Variants in ENHO observed in about 807,000 individuals in gnomAD.
ENHO encodes energy homeostasis associated, also known as adropin.
In ENHO, 5 loss-of-function variants were observed where a neutral mutation model predicts 4.1. That is an observed-to-expected ratio of 1.23 (90% CI 0.64 to 2.58). The LOEUF is 2.58. ENHO is among the 30% of genes most tolerant of loss of function. The pLI is 0.01. For synonymous variants in ENHO, 45 were observed against 42.9 expected (o/e 1.05, Z -0.19); for missense variants, 86 against 97.7 (o/e 0.88, Z 0.51).
In ENHO at chr9:34,521,944, C is replaced by T. The variant is rs940612304; in HGVS notation, c.-161-88G>A. On this transcript the variant is annotated intron_variant, in intron 1 of 1. Transcript: ENST00000399775. ...GGAGAGAGGTAGGGAAGAGAGCCTC[C>T]CTCCCACATTTCTGGCCTCCCTGGT... 18 of 533,678 alleles carry T rather than the reference C, an allele frequency of 3.4e-5. No individual in the cohort carries two copies. The Admixed American group carries it at 3.4e-4, about 10-fold the overall frequency. 33.1% of individuals were successfully genotyped at this position (533,678 alleles called of 1,614,324 possible). A position where few individuals can be genotyped will look rare whatever the true frequency, so the allele number is the denominator to read the frequency against.
Position 34,521,202 on chromosome 9 carries a change from G to A in ENHO, c.*263C>T. 1.7e-6 allele frequency: 1 copy of A among 595,292 alleles called. No homozygotes were observed. The highest frequency in any genetic ancestry group is 1.8e-5 in the South Asian group (1 of 54,170). 36.9% of individuals were successfully genotyped at this position (595,292 alleles called of 1,614,324 possible). ...TAGGGAAAGAGTGGACCCGGCCCCT[G>A]ACCCTTGGCCCTTGGGATGGAGCAT... is the stretch of plus-strand genomic sequence containing the variant. On this transcript the variant is annotated 3_prime_UTR_variant, in exon 2 of 2. Transcript: ENST00000399775.
At position 34,522,143 on chromosome 9, in the gene ENHO, G is replaced by A. The variant is rs111920901; in HGVS notation, c.-161-287C>T. 2,731 of 157,286 alleles carry A rather than the reference G, an allele frequency of 0.017. 44 individuals carry two copies. Among genetic ancestry groups the A allele is most frequent in the Non-Finnish European group, 0.026 (1,882 of 71,518 alleles). 9.7% of individuals were successfully genotyped at this position (157,286 alleles called of 1,614,324 possible). On this transcript the variant is annotated intron_variant, in intron 1 of 1. Transcript: ENST00000399775. This position sits in a 1 kb window ranked among gnomAD's most constrained non-coding sequence, Gnocchi z 4.2. ...GGCATGCCCTGGTCCTGCCCACCAAGCTTGCAGCCCTCAAAAGCCCTCTGT... is the reference window on the plus strand; with the variant it reads ...GGCATGCCCTGGTCCTGCCCACCAAACTTGCAGCCCTCAAAAGCCCTCTGT...
In ENHO at chr9:34,522,971, GC is replaced by G. The variant is rs906831468; in HGVS notation, c.-357del. The G allele has an allele frequency of 6.0e-5, 9 of 151,158 alleles. No homozygotes were observed. The highest frequency in any genetic ancestry group is 1.3e-4 in the Non-Finnish European group (9 of 67,724). 9.4% of individuals were successfully genotyped at this position (151,158 alleles called of 1,614,324 possible). ...CTCCCGCCGCGGCGCGACCGGGGCGGCCTCTGCCGCGGGCGGTCTGCGGTGA... is the reference window on the plus strand; with the variant it reads ...CTCCCGCCGCGGCGCGACCGGGGCGGCTCTGCCGCGGGCGGTCTGCGGTGA... On this transcript the variant is annotated 5_prime_UTR_variant, in exon 1 of 2. Coordinates refer to ENST00000399775, the MANE Select transcript of ENHO (RefSeq NM_198573.3). The surrounding 1 kb of genome is among the most constrained non-coding windows in gnomAD (Gnocchi z 4.2).
In ENHO at chr9:34,521,773, T is replaced by C. The variant is rs1825285316; in HGVS notation, c.-78A>G. On this transcript the variant is annotated 5_prime_UTR_variant, in exon 2 of 2. In the 5' UTR this introduces an upstream ATG that the reference lacks. Coordinates refer to ENST00000399775, the MANE Select transcript of ENHO (RefSeq NM_198573.3). ...GGCCCATGCCGAGGCAGGACTCTGG[T>C]ATGGCCGGCCTTCAGAGGAGGCTGT... is the stretch of plus-strand genomic sequence containing the variant. 7.6e-7 allele frequency: 1 copy of C among 1,324,354 alleles called. No homozygotes were observed. Among genetic ancestry groups the C allele is most frequent in the African/African-American group, 1.5e-5 (1 of 68,624 alleles). 82.0% of individuals were successfully genotyped at this position (1,324,354 alleles called of 1,614,324 possible).
rs1825284389 is a variant in ENHO, at chr9:34,521,713, G to A, written c.-18C>T. ...GCCCCCATGACAGGCAGCACCCTCA[G>A]ACCAGCACAGACAGTGGAGCTGCCT... On this transcript the variant is annotated 5_prime_UTR_variant, in exon 2 of 2. Coordinates refer to ENST00000399775, the MANE Select transcript of ENHO (RefSeq NM_198573.3). The A allele has an allele frequency of 3.8e-6, 6 of 1,599,268 alleles. No homozygotes were observed. The highest frequency in any genetic ancestry group is 4.3e-6 in the Non-Finnish European group (5 of 1,169,750).
Position 34,521,477 on chromosome 9 carries a change from C to T in ENHO, c.219G>A (p.Leu73=), listed in dbSNP as rs1348610691. 2.5e-6 allele frequency: 4 copies of T among 1,612,404 alleles called. No individual in the cohort carries two copies. The highest frequency in any genetic ancestry group is 2.2e-5 in the East Asian group (1 of 44,878). Reference sequence around the variant, plus strand: ...AGGCCAGGGGCCTTCAGGGCTGCAGCAGGTAGCTGCCTTCATGGCTGGGCT... The same window carrying T: ...AGGCCAGGGGCCTTCAGGGCTGCAGTAGGTAGCTGCCTTCATGGCTGGGCT... ...PQKPSHEGSY[L]LQP Residue 73 remains leucine, a synonymous_variant, in exon 2 of 2, where the codon CTG becomes CTA. Coordinates refer to ENST00000399775, the MANE Select transcript of ENHO (RefSeq NM_198573.3).
In ENHO at chr9:34,521,630, C is replaced by G. The variant is rs763212689; in HGVS notation, c.66G>C (p.Leu22Phe). 2 of 1,613,982 alleles carry G rather than the reference C, an allele frequency of 1.2e-6. No individual in the cohort carries two copies. Among genetic ancestry groups the G allele is most frequent in the South Asian group, 2.2e-5 (2 of 91,088 alleles). ...AIVCNGLVGF[L>F]LLLLWVILCW... ...AGAGGATGACCCAGAGCAGCAGCAG[C>G]AAGAAGCCCACGAGACCGTTGCAGA... Residue 22 changes from leucine to phenylalanine, a missense_variant, in exon 2 of 2, where the codon TTG becomes TTC. Physicochemically the swap from Leu to Phe is conservative, Grantham distance 22. Transcript: ENST00000399775.
At position 34,521,869 on chromosome 9, in the gene ENHO, T is replaced by C. The variant is rs2281997; in HGVS notation, c.-161-13A>G. On this transcript the variant is annotated splice_polypyrimidine_tract_variant and intron_variant, in intron 1 of 1. Transcript: ENST00000399775. ...TGCAGTCCTGAGCCTGTTGGGGGTA[T>C]ACAGTAAAGGAGAGGGTGGTGAGGA... 444,668 of 626,798 alleles carry C rather than the reference T, an allele frequency of 0.71. 159,494 individuals carry two copies. The highest frequency in any genetic ancestry group is 0.86 in the South Asian group (44,162 of 51,238). 38.8% of individuals were successfully genotyped at this position (626,798 alleles called of 1,614,324 possible). A position where few individuals can be genotyped will look rare whatever the true frequency, so the allele number is the denominator to read the frequency against.
chr9:34,521,440 G>C lies in ENHO; in HGVS notation c.*25C>G. 1 of 1,592,892 alleles carries C rather than the reference G, an allele frequency of 6.3e-7. No homozygotes were observed. Among genetic ancestry groups the C allele is most frequent in the Admixed American group, 1.7e-5 (1 of 59,776 alleles). ...TCTAGGTGAGGTGGACTTAGGTCCT[G>C]GGCTCCAGGCTAGGCCAGGGGCCTT... On this transcript the variant is annotated 3_prime_UTR_variant, in exon 2 of 2. Coordinates refer to ENST00000399775, the MANE Select transcript of ENHO (RefSeq NM_198573.3).
rs1825295004 is a variant in ENHO, at chr9:34,522,538, AGT to A, written c.-162+237_-162+238del. On this transcript the variant is annotated intron_variant, in intron 1 of 1. Coordinates refer to ENST00000399775, the MANE Select transcript of ENHO (RefSeq NM_198573.3). The surrounding 1 kb of genome is among the most constrained non-coding windows in gnomAD (Gnocchi z 4.2). ...CTCCTCTATGTCTCATTTCTCTACCAGTGTGTCTCTGTGTATCTCTGCATCAG... is the reference window on the plus strand; with the variant it reads ...CTCCTCTATGTCTCATTTCTCTACCAGTGTCTCTGTGTATCTCTGCATCAG... The A allele has an allele frequency of 6.6e-6, 1 of 151,666 alleles. No homozygotes were observed. Among genetic ancestry groups the A allele is most frequent in the Non-Finnish European group, 1.5e-5 (1 of 68,272 alleles). 9.4% of individuals were successfully genotyped at this position (151,666 alleles called of 1,614,324 possible). A position where few individuals can be genotyped will look rare whatever the true frequency, so the allele number is the denominator to read the frequency against.
chr9:34,521,238 G>T lies in ENHO; in HGVS notation c.*227C>A. On this transcript the variant is annotated 3_prime_UTR_variant, in exon 2 of 2. Transcript: ENST00000399775. ...CTTGGGATGGAGCATAGTCCAGATGGCCCTGGCTCTAGCACCAACTCATAA... is the reference window on the plus strand; with the variant it reads ...CTTGGGATGGAGCATAGTCCAGATGTCCCTGGCTCTAGCACCAACTCATAA... 1 of 668,830 alleles carries T rather than the reference G, an allele frequency of 1.5e-6. No homozygotes were observed. The highest frequency in any genetic ancestry group is 1.8e-5 in the African/African-American group (1 of 56,306). 41.4% of individuals were successfully genotyped at this position (668,830 alleles called of 1,614,324 possible). A position where few individuals can be genotyped will look rare whatever the true frequency, so the allele number is the denominator to read the frequency against.
rs1016540218 is a variant in ENHO, at chr9:34,521,656, C to T, written c.40G>A (p.Val14Ile). Residue 14 changes from valine to isoleucine, a missense_variant, in exon 2 of 2, where the codon GTC becomes ATC. Val to Ile is a conservative substitution (Grantham distance 29, BLOSUM62 3). Transcript: ENST00000399775. ...AISQGALIAI[V>I]CNGLVGFLLL... is the part of the protein sequence containing the mutation. The stretch of plus-strand genomic sequence containing the variant: ...AAGAAGCCCACGAGACCGTTGCAGA[C>T]GATGGCGATGAGGGCCCCCTGGGAG... The T allele has an allele frequency of 6.8e-6, 11 of 1,614,028 alleles. No homozygotes were observed. The highest frequency in any genetic ancestry group is 2.2e-5 in the East Asian group (1 of 44,884).
chr9:34,522,599 C>G lies in ENHO; in HGVS notation c.-162+178G>C, dbSNP rs1202818316. The stretch of plus-strand genomic sequence containing the variant: ...TCTCTCTCTCTCTTCCAGGCTGTAT[C>G]CCCCTCTGTTCCCATGGACGTGTCC... On this transcript the variant is annotated intron_variant, in intron 1 of 1. Transcript: ENST00000399775. The surrounding 1 kb of genome is among the most constrained non-coding windows in gnomAD (Gnocchi z 4.2). Among the ~76,000 whole-genome samples the G allele has an allele frequency of 6.6e-6, 1 of 152,106 alleles. No homozygotes were observed. The highest frequency in any genetic ancestry group is 1.5e-5 in the Non-Finnish European group (1 of 68,006).
At position 34,521,421 on chromosome 9, in the gene ENHO, T is replaced by G; in HGVS notation, c.*44A>C. 16 of 1,530,784 alleles carry G rather than the reference T, an allele frequency of 1.0e-5. No homozygotes were observed. The highest frequency in any genetic ancestry group is 1.4e-5 in the African/African-American group (1 of 73,422). The allele number at this position is 1,530,784 out of a possible 1,614,324, so 94.8% of individuals were successfully genotyped here. A position where few individuals can be genotyped will look rare whatever the true frequency, so the allele number is the denominator to read the frequency against. Reference sequence around the variant, plus strand: ...TGGGATCCTAATTCCAGGCTCTAGGTGAGGTGGACTTAGGTCCTGGGCTCC... The same window carrying G: ...TGGGATCCTAATTCCAGGCTCTAGGGGAGGTGGACTTAGGTCCTGGGCTCC... On this transcript the variant is annotated 3_prime_UTR_variant, in exon 2 of 2. Transcript: ENST00000399775.
rs918431252 is a variant in ENHO at position 34,522,950 on chromosome 9, C to A, written c.-335G>T. 2 of 151,226 alleles carry A rather than the reference C, an allele frequency of 1.3e-5. No homozygotes were observed. Among genetic ancestry groups the A allele is most frequent in the African/African-American group, 4.8e-5 (2 of 41,294 alleles). 9.4% of individuals were successfully genotyped at this position (151,226 alleles called of 1,614,324 possible). A position where few individuals can be genotyped will look rare whatever the true frequency, so the allele number is the denominator to read the frequency against. On this transcript the variant is annotated 5_prime_UTR_variant, in exon 1 of 2. Transcript: ENST00000399775. The surrounding 1 kb of genome is among the most constrained non-coding windows in gnomAD (Gnocchi z 4.2). ...CCGCGCAGCCTCCACCGGCCGCTCC[C>A]GCCGCGGCGCGACCGGGGCGGCCTC...
Position 34,521,195 on chromosome 9 carries a change from G to A in ENHO, c.*270C>T, listed in dbSNP as rs1426270298. The A allele has an allele frequency of 2.1e-5, 12 of 579,258 alleles. No individual in the cohort carries two copies. The highest frequency in any genetic ancestry group is 3.8e-5 in the South Asian group (2 of 52,636). 35.9% of individuals were successfully genotyped at this position (579,258 alleles called of 1,614,324 possible). A position where few individuals can be genotyped will look rare whatever the true frequency, so the allele number is the denominator to read the frequency against. On this transcript the variant is annotated 3_prime_UTR_variant, in exon 2 of 2. Transcript: ENST00000399775. ...CTCAGCCTAGGGAAAGAGTGGACCCGGCCCCTGACCCTTGGCCCTTGGGAT... is the reference window on the plus strand; with the variant it reads ...CTCAGCCTAGGGAAAGAGTGGACCCAGCCCCTGACCCTTGGCCCTTGGGAT...
At position 34,521,335 on chromosome 9, in the gene ENHO, C is replaced by A. The variant is rs777696216; in HGVS notation, c.*130G>T. 2.3e-6 allele frequency: 2 copies of A among 886,722 alleles called. No homozygotes were observed. Among genetic ancestry groups the A allele is most frequent in the Admixed American group, 4.0e-5 (2 of 50,366 alleles). The allele number at this position is 886,722 out of a possible 1,614,324, so 54.9% of individuals were successfully genotyped here. A position where few individuals can be genotyped will look rare whatever the true frequency, so the allele number is the denominator to read the frequency against. On this transcript the variant is annotated 3_prime_UTR_variant, in exon 2 of 2. Coordinates refer to ENST00000399775, the MANE Select transcript of ENHO (RefSeq NM_198573.3). Reference sequence around the variant, plus strand: ...GAGCCAAGCTGGCTAGACTCTGGGCCGCTGGGTCCAGCTCCAAGCAGGCGG... The same window carrying A: ...GAGCCAAGCTGGCTAGACTCTGGGCAGCTGGGTCCAGCTCCAAGCAGGCGG...
chr9:34,522,678 G>C lies in ENHO; in HGVS notation c.-162+99C>G, dbSNP rs1478367322. On this transcript the variant is annotated intron_variant, in intron 1 of 1. Coordinates refer to ENST00000399775, the MANE Select transcript of ENHO (RefSeq NM_198573.3). This position sits in a 1 kb window ranked among gnomAD's most constrained non-coding sequence, Gnocchi z 4.2. ...GTGGTTCCTGTGTCTCTGTCTTTGT[G>C]TTCGTCTCTCTCCGCGGCAGTGTGT... The C allele has an allele frequency of 2.0e-5, 3 of 152,850 alleles. No individual in the cohort carries two copies. Among genetic ancestry groups the C allele is most frequent in the African/African-American group, 7.2e-5 (3 of 41,396 alleles). The allele number at this position is 152,850 out of a possible 1,614,324, so 9.5% of individuals were successfully genotyped here.
In ENHO at chr9:34,521,762, C is replaced by T. The variant is rs1265821557; in HGVS notation, c.-67G>A. 5 of 1,436,714 alleles carry T rather than the reference C, an allele frequency of 3.5e-6. No individual in the cohort carries two copies. Among genetic ancestry groups the T allele is most frequent in the Non-Finnish European group, 4.8e-6 (5 of 1,039,952 alleles). 89.0% of individuals were successfully genotyped at this position (1,436,714 alleles called of 1,614,324 possible). ...CTCAATGGTGAGGCCCATGCCGAGG[C>T]AGGACTCTGGTATGGCCGGCCTTCA... On this transcript the variant is annotated 5_prime_UTR_variant, in exon 2 of 2. Transcript: ENST00000399775.
Sources: gnomAD v4.1 joint callset for allele counts (sites outside exome capture counted in the v4.1 genomes callset) on GRCh38, gnomAD v4.1.1 for gene constraint, Gnocchi (gnomAD v3.1) non-coding constraint, MANE v1.5 for transcripts, NCBI Gene and HGNC (gene_info 2026-07-23, HGNC 2026-07-21) for gene names.